NTRK1: variants seen among roughly 807,000 people sequenced by gnomAD.
NTRK1 encodes the protein high affinity nerve growth factor receptor.
In NTRK1, 62 loss-of-function variants were observed where a neutral mutation model predicts 86.8. That is an observed-to-expected ratio of 0.71 (90% CI 0.58 to 0.88). The LOEUF is 0.88. Ranked by LOEUF, NTRK1 falls within the 40% of genes least tolerant of loss-of-function variation. The probability of loss-of-function intolerance (pLI) is 0.00; values close to 1 mark genes in which losing one functional copy is unlikely to be tolerated. For synonymous variants in NTRK1, 469 were observed against 456.6 expected, an observed-to-expected ratio of 1.03 and a Z score of -0.35; for missense variants, 967 against 1,078.4, an observed-to-expected ratio of 0.90 and a Z score of 1.45.
At chr1:156,833,073 C>A (rs1654504706) in intron 1 of NTRK1, among the ~76,000 whole-genome samples, 1 of 152,204 alleles carries the variant, frequency 6.6e-6, no homozygotes, top group Admixed American at 6.5e-5. Flanking sequence ...CCTCTTGGCC[C>A]AGAGTGGTAC....
chr1:156,878,601 C>A (rs186680307), intron 14 of NTRK1, among the ~76,000 whole-genome samples: 44 of 152,170 alleles, frequency 2.9e-4, no homozygotes, highest in African/African-American at 1.0e-3. Context: ...CTAGGACTGA[C>A]CCGAGTGCTC....
chr1:156,872,626 C>T (rs1170121141), intron 7 of NTRK1, among the ~76,000 whole-genome samples: 1 of 151,118 alleles, frequency 6.6e-6, no homozygotes, highest in East Asian at 1.9e-4. Flanking sequence ...TGCATACATA[C>T]ACTTTTTTTC....
chr1:156,853,711 T>C (rs1175351589), intron 2 of NTRK1: 1 of 1,556,772 alleles, frequency 6.4e-7, no homozygotes, highest in East Asian at 2.3e-5. Context: ...GTGACCCTGC[T>C]CTCTCCCTTC....
At chr1:156,841,932 T>A in intron 1 of NTRK1, 1 of 1,552,298 alleles carries the variant, frequency 6.4e-7, no homozygotes, top group Non-Finnish European at 8.9e-7. Flanking sequence ...TCAATGGACC[T>A]CAGAACTCAT....
At chr1:156,821,014 T>A (rs1654174101) in intron 1 of NTRK1, among the ~76,000 whole-genome samples, 1 of 152,204 alleles carries the variant, frequency 6.6e-6, no homozygotes, top group Non-Finnish European at 1.5e-5. Context: ...TAGAGTTCCT[T>A]GTAGTTTTCC....
At chr1:156,853,082 C>G (rs1220766578) in intron 2 of NTRK1, among the ~76,000 whole-genome samples, 1 of 152,134 alleles carries the variant, frequency 6.6e-6, no homozygotes, top group Non-Finnish European at 1.5e-5. Flanking sequence ...TCTCCTTTCT[C>G]TACTGCTTTT....
intron 2 of NTRK1, chr1:156,851,082 A>G: frequency 1.5e-6 from 1 of 651,900 alleles, no homozygotes; most frequent in South Asian, 1.7e-5. Context: ...CTTGAGTAAT[A>G]TTCAAAACAG....
chr1:156,853,848 G>A lies in NTRK1; in HGVS notation c.51-10506G>A, dbSNP rs1184479830. 6.2e-7 allele frequency: 1 copy of A among 1,613,968 alleles called. No homozygotes were observed. ...TCACCAGCAGCACCCAGCACACCAGGGCACACGTCAGCACACTCCTCGCCC... is the reference window on the plus strand; with the variant it reads ...TCACCAGCAGCACCCAGCACACCAGAGCACACGTCAGCACACTCCTCGCCC... On this transcript the variant is annotated intron_variant, in intron 2 of 16. Coordinates refer to the NTRK1 transcript ENST00000392302.
chr1:156,871,723 G>A lies in NTRK1; in HGVS notation c.818G>A (p.Arg273Gln), dbSNP rs200305545. ...TGCTGGGCAGAGAACGATGTGGGCC[G>A]GGCAGAGGTCTCTGTTCAGGTCAAC... ...VTCWAENDVG[R>Q]AEVSVQVNVS... Residue 273 changes from arginine to glutamine, a missense_variant, in exon 7 of 17, where the codon CGG (arginine) becomes CAG (glutamine). Coordinates refer to ENST00000524377, the MANE Select transcript of NTRK1 (RefSeq NM_002529.4). 53 of 1,614,172 alleles carry A rather than the reference G, an allele frequency of 3.3e-5. No individual in the cohort carries two copies. The East Asian group carries it at 5.1e-4, about 16-fold the overall frequency.
intron 2 of NTRK1, 79 bp downstream of exon 2, chr1:156,864,507 T>C (rs536219256): frequency 1.4e-6 from 2 of 1,465,772 alleles, no homozygotes; most frequent in African/African-American, 2.8e-5. Flanking sequence ...GGCTCAAGCA[T>C]CCGAGGGCCT....
chr1:156,860,739 G>GA, upstream of NTRK1: 1 of 1,089,164 alleles, frequency 9.2e-7, no homozygotes, highest in South Asian at 2.3e-5. Context: ...GGAGGGGGCA[G>GA]AGGGGGGGGC....
At chr1:156,831,910 C>T (rs1212416125) in intron 1 of NTRK1, among the ~76,000 whole-genome samples, 7 of 152,228 alleles carry the variant, frequency 4.6e-5, no homozygotes, top group Non-Finnish European at 1.0e-4. Context: ...GGAGTCATGG[C>T]AGTCAGGCCT....
intron 2 of NTRK1, chr1:156,849,270 G>A (rs1176849796): frequency 1.2e-6 from 2 of 1,613,924 alleles, no homozygotes; most frequent in Non-Finnish European, 1.7e-6. Context: ...CCGTTGGTGC[G>A]GGGGTTGATC....
chr1:156,857,078 C>A (rs1326031041), upstream of NTRK1, among the ~76,000 whole-genome samples: 1 of 151,830 alleles, frequency 6.6e-6, no homozygotes, highest in African/African-American at 2.4e-5. Flanking sequence ...GGTGGGCAGG[C>A]AAGGCTGGCT....
At chr1:156,827,164 C>T (rs761402833) in intron 1 of NTRK1, among the ~76,000 whole-genome samples, 1 of 110,808 alleles carries the variant, frequency 9.0e-6, no homozygotes, top group Non-Finnish European at 1.8e-5. Context: ...TTCACTGTAG[C>T]CTTGAACCCC....
At chr1:156,833,675 G>A (rs1654523140) in intron 1 of NTRK1, among the ~76,000 whole-genome samples, 1 of 152,130 alleles carries the variant, frequency 6.6e-6, no homozygotes, top group Non-Finnish European at 1.5e-5. Context: ...TTGTTTCTTG[G>A]CTCTAAACCC....
chr1:156,879,922 A>G (rs1648154011), intron 15 of NTRK1, 77 bp from the exon 16 acceptor site: 2 of 1,572,546 alleles, frequency 1.3e-6, no homozygotes, highest in Non-Finnish European at 1.7e-6. Flanking sequence ...ATTTTTAATG[A>G]TGGGGCTGGG....
intron 1 of NTRK1, among the ~76,000 whole-genome samples, chr1:156,838,844 A>G (rs745368366): frequency 6.6e-6 from 1 of 152,164 alleles, no homozygotes; most frequent in Non-Finnish European, 1.5e-5. Context: ...GTTAGGGGGC[A>G]TAGGTAGTGG....
At chr1:156,845,261 A>AG (rs1443274935) in intron 2 of NTRK1, 1 of 1,611,946 alleles carries the variant, frequency 6.2e-7, no homozygotes, top group Non-Finnish European at 8.5e-7. Flanking sequence ...CCCCAGCCGG[A>AG]GGGGCCCAGC....
Sources: gnomAD v4.1 joint callset for allele counts (sites outside exome capture counted in the v4.1 genomes callset) on GRCh38, gnomAD v4.1.1 for gene constraint, MANE v1.5 for transcripts, NCBI Gene and HGNC (gene_info 2026-07-23, HGNC 2026-07-21) for gene names.